The following AGBL4 variants were observed in gnomAD, a reference collection of about 807,000 sequenced individuals.
AGBL4 encodes cytosolic carboxypeptidase 6.
In AGBL4, 58 loss-of-function variants were observed where a neutral mutation model predicts 66.4. The observed-to-expected ratio is 0.87, with a 90% CI of 0.71 to 1.09. AGBL4 has a LOEUF of 1.09. Among genes scored for constraint, AGBL4 ranks in the 50% least tolerant of loss-of-function variants. The pLI is 0.00. For missense variants in AGBL4, 579 were observed against 631.0 expected, an observed-to-expected ratio of 0.92 and a Z score of 0.88; for synonymous variants, 234 against 222.9, an observed-to-expected ratio of 1.05 and a Z score of -0.44.
At chr1:48,876,921 G>C (rs557814798) in intron 5 of AGBL4, among the ~76,000 whole-genome samples, 1 of 152,174 alleles carries the variant, frequency 6.6e-6, no homozygotes, top group Admixed American at 6.5e-5. Context: ...TGATACTTCA[G>C]TGCTATGATT....
intron 1 of AGBL4, among the ~76,000 whole-genome samples, chr1:49,912,933 C>G (rs1387927352): frequency 6.6e-6 from 1 of 152,128 alleles, no homozygotes; most frequent in African/African-American, 2.4e-5. Context: ...TTCATGAGGA[C>G]AGAACTTTCA....
intron 3 of AGBL4, among the ~76,000 whole-genome samples, chr1:49,351,289 T>A (rs1643902384): frequency 6.6e-6 from 1 of 152,162 alleles, no homozygotes; most frequent in Admixed American, 6.5e-5. Flanking sequence ...AAGTTCTGCT[T>A]CTACCAGTGG....
At chr1:48,602,495 G>A (rs1030149752) in intron 9 of AGBL4, among the ~76,000 whole-genome samples, 4 of 152,152 alleles carry the variant, frequency 2.6e-5, no homozygotes, top group African/African-American at 9.7e-5. Context: ...CAAGACACAA[G>A]TGCAAGGTCA....
chr1:48,567,502 T>C (rs927250274), intron 11 of AGBL4, among the ~76,000 whole-genome samples: 6 of 152,198 alleles, frequency 3.9e-5, no homozygotes, highest in African/African-American at 9.7e-5. Flanking sequence ...CTCAAAGCTA[T>C]AGCAGAGGCT....
intron 2 of AGBL4, among the ~76,000 whole-genome samples, chr1:49,842,993 C>T (rs1646039223): frequency 6.6e-6 from 1 of 152,112 alleles, no homozygotes; most frequent in South Asian, 2.1e-4. Context: ...TGACATGTGC[C>T]TGTAGGGTGA....
At chr1:49,234,225 A>G (rs538117792) in intron 4 of AGBL4, among the ~76,000 whole-genome samples, 34 of 152,326 alleles carry the variant, frequency 2.2e-4, no homozygotes, top group African/African-American at 8.2e-4. Context: ...CACGAAAAAT[A>G]AATTTGTCAT....
rs566072291 is a variant in AGBL4 at position 49,452,966 on chromosome 1, G to A, written c.283-207102C>T. 4.5e-4 allele frequency among the ~76,000 whole-genome samples: 69 copies of A among 151,992 alleles called. 1 individual carries two copies. The highest frequency in any genetic ancestry group is 8.2e-4 in the Non-Finnish European group (56 of 67,922). Reference sequence around the variant, plus strand: ...TCCCTTCTGCCACTAATATAGTCAGGCACATAGTAGATGCTCATGCCAGAA... The same window carrying A: ...TCCCTTCTGCCACTAATATAGTCAGACACATAGTAGATGCTCATGCCAGAA... On this transcript the variant is annotated intron_variant, in intron 3 of 13. Coordinates refer to ENST00000371839, the MANE Select transcript of AGBL4 (RefSeq NM_032785.4).
chr1:48,555,791 G>A (rs1644313137), intron 11 of AGBL4, among the ~76,000 whole-genome samples: 1 of 152,116 alleles, frequency 6.6e-6, no homozygotes, highest in Admixed American at 6.5e-5. Flanking sequence ...GCACTCTCAG[G>A]GGAGTTGTGA....
At chr1:49,221,531 G>T (rs1649495206) in intron 4 of AGBL4, among the ~76,000 whole-genome samples, 1 of 152,134 alleles carries the variant, frequency 6.6e-6, no homozygotes, top group African/African-American at 2.4e-5. Context: ...AAAGGAGAAT[G>T]CACTATCAAT....
intron 1 of AGBL4, among the ~76,000 whole-genome samples, chr1:49,912,809 G>A (rs1650991639): frequency 6.6e-6 from 1 of 152,170 alleles, no homozygotes; most frequent in Admixed American, 6.5e-5. Flanking sequence ...CACATCTGGT[G>A]AGGATAATTC....
intron 6 of AGBL4, among the ~76,000 whole-genome samples, chr1:48,829,423 C>T (rs1646500549): frequency 6.6e-6 from 1 of 152,214 alleles, no homozygotes; most frequent in Admixed American, 6.5e-5. Context: ...GTACCATGAC[C>T]TCTGTTTCTC....
intron 1 of AGBL4, among the ~76,000 whole-genome samples, chr1:50,010,199 C>T (rs1264295983): frequency 2.0e-5 from 3 of 151,386 alleles, no homozygotes; most frequent in African/African-American, 7.3e-5. Context: ...CCCAGCTACT[C>T]GGGAGGCTGA....
chr1:49,851,152 A>C (rs1328583850), intron 2 of AGBL4, among the ~76,000 whole-genome samples: 1 of 152,136 alleles, frequency 6.6e-6, no homozygotes, highest in Non-Finnish European at 1.5e-5. Flanking sequence ...GTAGTTTCTA[A>C]AATATAAGCT....
intron 1 of AGBL4, among the ~76,000 whole-genome samples, chr1:49,881,247 C>T (rs553109677): frequency 1.7e-4 from 26 of 152,206 alleles, no homozygotes; most frequent in South Asian, 1.5e-3. Flanking sequence ...CATAGTATTC[C>T]ATGGTGTATA....
chr1:49,484,683 T>A (rs1366539224), intron 3 of AGBL4, among the ~76,000 whole-genome samples: 1 of 151,928 alleles, frequency 6.6e-6, no homozygotes, highest in East Asian at 1.9e-4. Context: ...TACTATTTGA[T>A]AGCATAACAG....
rs116516206 is a variant in AGBL4, at chr1:49,236,923, T to C, written c.377+8847A>G. Among the ~76,000 whole-genome samples, 672 of 152,114 alleles carry C rather than the reference T, an allele frequency of 4.4e-3. 4 individuals carry two copies. The highest frequency in any genetic ancestry group is 0.016 in the African/African-American group (649 of 41,490). On this transcript the variant is annotated intron_variant, in intron 4 of 13. Coordinates refer to ENST00000371839, the MANE Select transcript of AGBL4 (RefSeq NM_032785.4). ...AGGTAATTGAATCATGGGGTGAGAC[T>C]TTCCTGCACTGTTATCCTGATAGGG...
At chr1:48,775,413 G>A (rs1645029528) in intron 6 of AGBL4, among the ~76,000 whole-genome samples, 1 of 152,128 alleles carries the variant, frequency 6.6e-6, no homozygotes, top group Non-Finnish European at 1.5e-5. Flanking sequence ...TAGGCTAAAT[G>A]TGAGGAAGCA....
chr1:49,577,870 G>T (rs549007458), intron 3 of AGBL4, among the ~76,000 whole-genome samples: 1 of 152,128 alleles, frequency 6.6e-6, no homozygotes, highest in Admixed American at 6.5e-5. Context: ...CCATAAGGCC[G>T]TGTATGCTCT....
intron 3 of AGBL4, among the ~76,000 whole-genome samples, chr1:49,293,128 G>A (rs1164029183): frequency 1.3e-5 from 2 of 152,218 alleles, no homozygotes; most frequent in Non-Finnish European, 2.9e-5. Context: ...AGCCATGGAA[G>A]TTGCTTGTGT....
Sources: allele counts gnomAD v4.1 joint callset (sites outside exome capture counted in the v4.1 genomes callset), GRCh38; gene constraint gnomAD v4.1.1; transcripts MANE v1.5; gene names NCBI Gene and HGNC (gene_info 2026-07-23, HGNC 2026-07-21).